Variants in IMMP2L observed in about 807,000 individuals in gnomAD.
IMMP2L encodes the protein mitochondrial inner membrane protease subunit 2.
IMMP2L carries 18 observed loss-of-function variants against 19.3 expected under a neutral mutation model. The ratio of observed to expected loss-of-function variants is 0.93; its 90% CI spans 0.64 to 1.38. The LOEUF (loss-of-function observed/expected upper bound fraction) is 1.38, where lower values mean the gene tolerates loss of function less well. Among genes scored for constraint, IMMP2L ranks in the 40% most tolerant of loss-of-function variants. IMMP2L has a pLI of 0.00. For missense variants in IMMP2L, 233 were observed against 218.2 expected (o/e 1.07, Z -0.43); for synonymous variants, 76 against 73.0 (o/e 1.04, Z -0.21).
chr7:110,887,958 T>A (rs556436183), intron 4 of IMMP2L, among the ~76,000 whole-genome samples: 19 of 152,248 alleles, frequency 1.2e-4, no homozygotes, highest in Non-Finnish European at 2.2e-4. Flanking sequence ...TGCAGAATAA[T>A]GTATTTTAAA....
intron 3 of IMMP2L, among the ~76,000 whole-genome samples, chr7:110,982,850 C>T (rs1356998627): frequency 6.6e-6 from 1 of 151,988 alleles, no homozygotes; most frequent in African/African-American, 2.4e-5. Context: ...CTTGTAAATT[C>T]CCTTAAGTCA....
At chr7:111,388,852 G>C (rs1832054116) in intron 3 of IMMP2L, among the ~76,000 whole-genome samples, 1 of 152,074 alleles carries the variant, frequency 6.6e-6, no homozygotes, top group Non-Finnish European at 1.5e-5. Context: ...GTTGAGATTT[G>C]GGTGGGGACA....
At position 111,497,159 on chromosome 7, in the gene IMMP2L, C is replaced by T. The variant is rs145493997; in HGVS notation, c.136-9818G>A. ...ACGCCCCATCAAAGTGTCACAGGCACGCTCACATACTACCTGTAGGAATGA... is the reference window on the plus strand; with the variant it reads ...ACGCCCCATCAAAGTGTCACAGGCATGCTCACATACTACCTGTAGGAATGA... On this transcript the variant is annotated intron_variant, in intron 2 of 5. Coordinates refer to ENST00000405709, the MANE Select transcript of IMMP2L (RefSeq NM_032549.4). Among the ~76,000 whole-genome samples, 1,083 of 152,146 alleles carry T rather than the reference C, an allele frequency of 7.1e-3. 14 individuals carry two copies. Among genetic ancestry groups the T allele is most frequent in the African/African-American group, 0.024 (999 of 41,504 alleles).
chr7:111,485,491 A>G (rs192397359), intron 3 of IMMP2L, among the ~76,000 whole-genome samples: 2 of 148,214 alleles, frequency 1.3e-5, no homozygotes, highest in East Asian at 4.2e-4. Context: ...CCAACTACTC[A>G]GGAGGCTGAA....
intron 4 of IMMP2L, among the ~76,000 whole-genome samples, chr7:110,895,299 T>G (rs1161283649): frequency 6.6e-6 from 1 of 152,118 alleles, no homozygotes; most frequent in Non-Finnish European, 1.5e-5. Context: ...ATTGTGGGAG[T>G]TGCAATTCAA....
intron 3 of IMMP2L, among the ~76,000 whole-genome samples, chr7:111,043,715 C>G (rs1217784838): frequency 6.6e-6 from 1 of 152,164 alleles, no homozygotes; most frequent in Admixed American, 6.5e-5. Context: ...ATATCAGTGG[C>G]CTGCTTCCTG....
chr7:111,383,274 T>A (rs1274311094), intron 3 of IMMP2L, among the ~76,000 whole-genome samples: 1 of 152,096 alleles, frequency 6.6e-6, no homozygotes, highest in Non-Finnish European at 1.5e-5. Context: ...TTAGATGAAG[T>A]TATTGTGCTT....
At chr7:110,673,164 T>C (rs1176998118) in intron 5 of IMMP2L, among the ~76,000 whole-genome samples, 1 of 152,232 alleles carries the variant, frequency 6.6e-6, no homozygotes, top group Non-Finnish European at 1.5e-5. Context: ...ATTCTTGACT[T>C]CTATGCATCT....
At chr7:111,230,048 T>C (rs988581617) in intron 3 of IMMP2L, among the ~76,000 whole-genome samples, 3 of 152,018 alleles carry the variant, frequency 2.0e-5, no homozygotes. Context: ...CTTTGATAAA[T>C]TCCCAACTAT....
chr7:111,097,736 C>T (rs1309053514), intron 3 of IMMP2L, among the ~76,000 whole-genome samples: 2 of 151,814 alleles, frequency 1.3e-5, no homozygotes, highest in East Asian at 3.9e-4. Context: ...CTATTTTTAT[C>T]AAAACTCAGT....
intron 5 of IMMP2L, among the ~76,000 whole-genome samples, chr7:110,872,317 T>C (rs1170202853): frequency 6.6e-6 from 1 of 152,140 alleles, no homozygotes; most frequent in Non-Finnish European, 1.5e-5. Flanking sequence ...TAAGTCGAAA[T>C]CCTATCTTTT....
At chr7:111,224,303 C>A (rs1019116729) in intron 3 of IMMP2L, among the ~76,000 whole-genome samples, 1 of 152,070 alleles carries the variant, frequency 6.6e-6, no homozygotes, top group Non-Finnish European at 1.5e-5. Flanking sequence ...TACTAAAATT[C>A]TTTGAAACAA....
At chr7:110,822,177 C>G (rs773780148) in intron 5 of IMMP2L, among the ~76,000 whole-genome samples, 8 of 152,132 alleles carry the variant, frequency 5.3e-5, no homozygotes, top group Non-Finnish European at 4.4e-5. Flanking sequence ...TCAACAATTA[C>G]TTACCTGAAT....
chr7:110,863,318 G>T (rs1372761571), intron 5 of IMMP2L, among the ~76,000 whole-genome samples: 2 of 152,066 alleles, frequency 1.3e-5, no homozygotes. Flanking sequence ...GGGGATCCAG[G>T]TTAAAAGAGC....
intron 3 of IMMP2L, among the ~76,000 whole-genome samples, chr7:111,293,399 G>A (rs922736691): frequency 6.6e-6 from 1 of 151,432 alleles, no homozygotes; most frequent in Non-Finnish European, 1.5e-5. Context: ...ATCCTAAGTA[G>A]AACAGGGCAA....
At chr7:111,220,216 T>G (rs1812365872) in intron 3 of IMMP2L, among the ~76,000 whole-genome samples, 1 of 152,070 alleles carries the variant, frequency 6.6e-6, no homozygotes, top group South Asian at 2.1e-4. Flanking sequence ...GAAATCAGTT[T>G]CAAAGTCAGA....
At chr7:111,100,320 T>C (rs1245531449) in intron 3 of IMMP2L, among the ~76,000 whole-genome samples, 1 of 150,890 alleles carries the variant, frequency 6.6e-6, no homozygotes, top group Non-Finnish European at 1.5e-5. Flanking sequence ...TTTGACTTTT[T>C]ATGCAGAAGC....
chr7:111,288,951 A>G (rs1820791282), intron 3 of IMMP2L, among the ~76,000 whole-genome samples: 1 of 152,188 alleles, frequency 6.6e-6, no homozygotes, highest in Non-Finnish European at 1.5e-5. Flanking sequence ...TCATTCTACT[A>G]GAAAGACACA....
intron 3 of IMMP2L, among the ~76,000 whole-genome samples, chr7:111,084,619 A>C (rs1457019912): frequency 1.3e-5 from 2 of 152,208 alleles, no homozygotes; most frequent in African/African-American, 4.8e-5. Flanking sequence ...CAAGCCTAGG[A>C]TAAATACTTA....
Sources: allele counts gnomAD v4.1 joint callset (sites outside exome capture counted in the v4.1 genomes callset), GRCh38; gene constraint gnomAD v4.1.1; transcripts MANE v1.5; gene names NCBI Gene and HGNC (gene_info 2026-07-23, HGNC 2026-07-21).